Variants in SCEL observed in about 807,000 individuals in gnomAD.
SCEL encodes sciellin.
Under a neutral mutation model 117.6 loss-of-function variants are expected in SCEL, and 113 were observed. That is an observed-to-expected ratio of 0.96 (90% CI 0.83 to 1.12). The LOEUF (loss-of-function observed/expected upper bound fraction) is 1.12. SCEL is among the 50% of genes most tolerant of loss of function. The pLI is 0.00. For synonymous variants in SCEL, 270 were observed against 256.2 expected, an observed-to-expected ratio of 1.05 and a Z score of -0.51; for missense variants, 785 against 810.8, an observed-to-expected ratio of 0.97 and a Z score of 0.39.
rs114860261 is a variant in SCEL at position 77,553,731 on chromosome 13, G to A, written c.-19-2126G>A. On this transcript the variant is annotated intron_variant, in intron 1 of 32. Coordinates refer to ENST00000349847, the MANE Select transcript of SCEL (RefSeq NM_144777.3). Reference sequence around the variant, plus strand: ...TTGCTCTCTGCTTGTCAAGGTGATAGAGTATGGAGTTAAAACTTACTGAGC... The same window carrying A: ...TTGCTCTCTGCTTGTCAAGGTGATAAAGTATGGAGTTAAAACTTACTGAGC... 8.3e-3 allele frequency among the ~76,000 whole-genome samples: 1,264 copies of A among 151,890 alleles called. 14 individuals are homozygous for A. Among genetic ancestry groups the A allele is most frequent in the African/African-American group, 0.029 (1,209 of 41,408 alleles).
intron 1 of SCEL, among the ~76,000 whole-genome samples, chr13:77,547,625 C>G (rs1173003747): frequency 6.6e-6 from 1 of 152,182 alleles, no homozygotes; most frequent in African/African-American, 2.4e-5. Flanking sequence ...CTCAGATCAT[C>G]AGAAATTCCT....
chr13:77,614,013 G>A, intron 24 of SCEL, 58 bp downstream of exon 24: 5 of 1,332,604 alleles, frequency 3.8e-6, no homozygotes, highest in South Asian at 2.4e-5. Flanking sequence ...AAAATTAATA[G>A]AAATGATTTA....
At chr13:77,550,214 C>T (rs754714502) in intron 1 of SCEL, among the ~76,000 whole-genome samples, 2 of 151,464 alleles carry the variant, frequency 1.3e-5, no homozygotes, top group Middle Eastern at 3.4e-3. Flanking sequence ...GGCAAAACTG[C>T]GTGTCTACTA....
intron 3 of SCEL, among the ~76,000 whole-genome samples, chr13:77,559,400 TACTTAA>T (rs1453171458): frequency 3.9e-5 from 6 of 152,236 alleles, no homozygotes; most frequent in African/African-American, 9.6e-5. Flanking sequence ...GTAATGGGCT[TACTTAA>T]ACTTAAACAC....
rs762190336 is a variant in SCEL, at chr13:77,613,941, C to G, written c.1437C>G (p.Val479=). The G allele has an allele frequency of 1.5e-5, 24 of 1,613,090 alleles. 1 individual carries two copies. The South Asian group carries it at 2.5e-4, about 17-fold the overall frequency. ...ATATTAATGTCAGCCCCAAAGCTGT[C>G]AAAAACACTGATGGGTAAGAGATGG... ...DEHINVSPKA[V]KNTDGKQDLD... Residue 479 remains valine, a synonymous_variant, in exon 24 of 33, where the codon GTC becomes GTG. Coordinates refer to ENST00000349847, the MANE Select transcript of SCEL (RefSeq NM_144777.3).
chr13:77,596,726 C>T (rs1018191352), intron 12 of SCEL, among the ~76,000 whole-genome samples: 7 of 109,608 alleles, frequency 6.4e-5, no homozygotes, highest in African/African-American at 1.9e-4. Flanking sequence ...TGTGTGTGGT[C>T]GGGGGTAGGT....
intron 28 of SCEL, among the ~76,000 whole-genome samples, chr13:77,628,936 G>T (rs1162779006): frequency 6.6e-6 from 1 of 152,110 alleles, no homozygotes; most frequent in Non-Finnish European, 1.5e-5. Context: ...AGTAGAATCT[G>T]CTTATCCTGG....
intron 28 of SCEL, among the ~76,000 whole-genome samples, chr13:77,629,463 T>A (rs1439711868): frequency 6.6e-6 from 1 of 152,098 alleles, no homozygotes; most frequent in Non-Finnish European, 1.5e-5. Flanking sequence ...AAATTAAAAA[T>A]CTAAATAAGA....
intron 9 of SCEL, among the ~76,000 whole-genome samples, chr13:77,575,007 CT>C (rs2085857111): frequency 6.6e-6 from 1 of 152,176 alleles, no homozygotes; most frequent in African/African-American, 2.4e-5. Flanking sequence ...ACATCTTTTT[CT>C]GTGCAGCACA....
chr13:77,614,098 T>C, intron 24 of SCEL, 143 bp downstream of exon 24: 1 of 706,370 alleles, frequency 1.4e-6, no homozygotes. Context: ...TCTCAGTATT[T>C]GTTAATTGCA....
intron 12 of SCEL, 82 bp downstream of exon 12, chr13:77,593,655 A>G (rs1404895932): frequency 5.2e-6 from 5 of 958,414 alleles, no homozygotes; most frequent in Non-Finnish European, 8.2e-6. Flanking sequence ...AAAAGTTCCA[A>G]ATATGAACAA....
intron 18 of SCEL, 31 bp downstream of exon 18, chr13:77,603,166 T>C: frequency 7.6e-7 from 1 of 1,310,350 alleles, no homozygotes; most frequent in Non-Finnish European, 1.1e-6. Flanking sequence ...TAATTATGGT[T>C]TCTGTTAAGT....
intron 12 of SCEL, among the ~76,000 whole-genome samples, chr13:77,595,901 C>A (rs1012383368): frequency 6.6e-6 from 1 of 152,162 alleles, no homozygotes; most frequent in Non-Finnish European, 1.5e-5. Context: ...AAGAGGACTA[C>A]CCTCAGCAGC....
chr13:77,602,001 T>C, intron 15 of SCEL, 64 bp from the exon 16 acceptor site: 1 of 1,298,642 alleles, frequency 7.7e-7, no homozygotes, highest in South Asian at 1.3e-5. Context: ...AGAGTCTGAA[T>C]ATATCACTGA....
chr13:77,561,096 G>T (rs926476470), intron 4 of SCEL, among the ~76,000 whole-genome samples: 2 of 152,156 alleles, frequency 1.3e-5, no homozygotes, highest in African/African-American at 4.8e-5. Context: ...CCTGTCCTTA[G>T]TCTTTATGGT....
chr13:77,599,566 C>G, intron 14 of SCEL, 123 bp from the exon 15 acceptor site: 1 of 909,474 alleles, frequency 1.1e-6, no homozygotes, highest in Non-Finnish European at 1.8e-6. Flanking sequence ...GATTTCTGCT[C>G]TTCCATTCAA....
In SCEL at chr13:77,616,004, C is replaced by CTG. The variant is rs1169054133; in HGVS notation, c.1452-1554_1452-1553dup. 3.6e-3 allele frequency among the ~76,000 whole-genome samples: 412 copies of CTG among 114,228 alleles called. No homozygotes were observed. The East Asian group carries it at 0.041, about 11-fold the overall frequency. The allele number at this position is 114,228 out of a possible 152,430, so 74.9% of individuals were successfully genotyped here. A position where few individuals can be genotyped will look rare whatever the true frequency, so the allele number is the denominator to read the frequency against. On this transcript the variant is annotated intron_variant, in intron 24 of 32. Transcript: ENST00000349847. ...ATTATTTCATAAAATTTATGTCTCT[C>CTG]TGTGTGTGTGTGTGTGTGTGTGTGT...
chr13:77,538,393 A>C (rs952999586), intron 1 of SCEL, among the ~76,000 whole-genome samples: 1 of 152,236 alleles, frequency 6.6e-6, no homozygotes, highest in Non-Finnish European at 1.5e-5. Flanking sequence ...CTGGGATTAC[A>C]GGCATAGCCA....
At chr13:77,640,038 A>T (rs1277812429) in intron 30 of SCEL, among the ~76,000 whole-genome samples, 1 of 151,854 alleles carries the variant, frequency 6.6e-6, no homozygotes, top group Non-Finnish European at 1.5e-5. Flanking sequence ...AAATAACAAA[A>T]CTCTCTTTTC....
Sources: gnomAD v4.1 joint callset for allele counts (sites outside exome capture counted in the v4.1 genomes callset) on GRCh38, gnomAD v4.1.1 for gene constraint, MANE v1.5 for transcripts, NCBI Gene and HGNC (gene_info 2026-07-23, HGNC 2026-07-21) for gene names.